Variants in SRPK2 observed in about 807,000 individuals in gnomAD.
SRPK2 encodes SFRS protein kinase 2.
In SRPK2, 21 loss-of-function variants were observed where a neutral mutation model predicts 90.8. That is an observed-to-expected ratio of 0.23 (90% confidence interval 0.16 to 0.33). SRPK2 has a LOEUF of 0.33. SRPK2 is among the 10% of genes least tolerant of loss of function. The pLI is 1.00. For synonymous variants in SRPK2, 288 were observed against 311.1 expected (o/e 0.93, Z 0.78); for missense variants, 620 against 869.0 (o/e 0.71, Z 3.60).
chr7:105,200,924 G>A (rs894149258), intron 3 of SRPK2, among the ~76,000 whole-genome samples: 1 of 152,184 alleles, frequency 6.6e-6, no homozygotes, highest in Admixed American at 6.5e-5. Context: ...TGATAAGCCC[G>A]AGGTCTGAAT....
At position 105,388,849 on chromosome 7, in the gene SRPK2, C is replaced by T. The variant is rs758026515; in HGVS notation, c.-43G>A. On this transcript the variant is annotated 5_prime_UTR_variant, in exon 1 of 16. Transcript: ENST00000393651. ...GGGGCGGGGGGCTTCGCGACGGCGA[C>T]GCGGGCGCCGAGACGAGCTGGGCTG... 2.0e-5 allele frequency: 26 copies of T among 1,313,468 alleles called. No homozygotes were observed. The African/African-American group carries it at 3.9e-4, about 20-fold the overall frequency. The allele number at this position is 1,313,468 out of a possible 1,614,324, so 81.4% of individuals were successfully genotyped here.
intron 3 of SRPK2, among the ~76,000 whole-genome samples, chr7:105,170,855 GAAAGAAAGAAAGAA>G (rs1391472473): frequency 8.2e-5 from 3 of 36,372 alleles, no homozygotes; most frequent in Admixed American, 3.8e-4. Context: ...AAGAAAGAAA[GAAAGAAAGAAAGAA>G]AGAAAGAAAG....
At chr7:105,240,844 T>G (rs976638472) in intron 2 of SRPK2, among the ~76,000 whole-genome samples, 1 of 152,220 alleles carries the variant, frequency 6.6e-6, no homozygotes, top group Non-Finnish European at 1.5e-5. Context: ...TCGTCCAGTA[T>G]GTACTGAAAT....
rs542905759 is a variant in SRPK2 at position 105,258,415 on chromosome 7, C to T, written c.72-54630G>A. On this transcript the variant is annotated intron_variant, in intron 2 of 15. Transcript: ENST00000393651. ...CTGGGTAACAAGAGCGAAACTCGGTCTCAAAAAAAAAAAAAAAAAAGAAAG... is the reference window on the plus strand; with the variant it reads ...CTGGGTAACAAGAGCGAAACTCGGTTTCAAAAAAAAAAAAAAAAAAGAAAG... Among the ~76,000 whole-genome samples the T allele has an allele frequency of 1.0e-3, 18 of 17,884 alleles. No homozygotes were observed. The Admixed American group carries it at 0.013, about 13-fold the overall frequency. The allele number at this position is 17,884 out of a possible 152,430, so 11.7% of individuals were successfully genotyped here. A position where few individuals can be genotyped will look rare whatever the true frequency, so the allele number is the denominator to read the frequency against.
intron 3 of SRPK2, among the ~76,000 whole-genome samples, chr7:105,178,503 C>G (rs761791528): frequency 6.6e-6 from 1 of 152,078 alleles, no homozygotes; most frequent in South Asian, 2.1e-4. Flanking sequence ...CCAAAAGACA[C>G]GGGAGGATTC....
chr7:105,195,034 T>C (rs1794745591), intron 3 of SRPK2, among the ~76,000 whole-genome samples: 1 of 152,212 alleles, frequency 6.6e-6, no homozygotes, highest in Admixed American at 6.5e-5. Context: ...GCTCTTTTGC[T>C]AAATATATTT....
intron 2 of SRPK2, among the ~76,000 whole-genome samples, chr7:105,326,822 C>T (rs1204063): frequency 0.017 from 2,626 of 152,090 alleles, 82 homozygotes; most frequent in African/African-American, 0.059. Context: ...AGCACTTTGG[C>T]AGGTGGAGGC....
At chr7:105,153,399 C>G (rs1436553109) in intron 7 of SRPK2, among the ~76,000 whole-genome samples, 1 of 152,160 alleles carries the variant, frequency 6.6e-6, no homozygotes, top group Admixed American at 6.5e-5. Context: ...AGCTTGCTTT[C>G]TGTACATCAA....
rs1252297626 is a variant in SRPK2, at chr7:105,388,706, G to A, written c.17-4C>T. The A allele has an allele frequency of 1.9e-6, 3 of 1,580,840 alleles. No homozygotes were observed. Among genetic ancestry groups the A allele is most frequent in the African/African-American group, 1.4e-5 (1 of 72,188 alleles). On this transcript the variant is annotated splice_polypyrimidine_tract_variant and splice_region_variant and intron_variant, in intron 1 of 15. Transcript: ENST00000393651. Reference sequence around the variant, plus strand: ...TTTCGGGCCTGAATGGCCAGCACTGGGGAAGAGAAGACACACATTAACGGT... The same window carrying A: ...TTTCGGGCCTGAATGGCCAGCACTGAGGAAGAGAAGACACACATTAACGGT...
rs541419036 is a variant in SRPK2 at position 105,259,854 on chromosome 7, T to TCCC, written c.72-56072_72-56070dup. Among the ~76,000 whole-genome samples, 641 of 152,064 alleles carry TCCC rather than the reference T, an allele frequency of 4.2e-3. 5 individuals are homozygous for TCCC. The highest frequency in any genetic ancestry group is 0.023 in the South Asian group (110 of 4,812). ...CCATATGTAGAAAGCTGAAACTGGA[T>TCCC]CCCTTCCCTACACCATATACAAAAA... is the stretch of plus-strand genomic sequence containing the variant. On this transcript the variant is annotated intron_variant, in intron 2 of 15. Coordinates refer to ENST00000393651, the MANE Select transcript of SRPK2 (RefSeq NM_182692.3).
chr7:105,287,259 T>TAAAAAAAA (rs71520909), intron 2 of SRPK2, among the ~76,000 whole-genome samples: 2 of 58,872 alleles, frequency 3.4e-5, no homozygotes, highest in African/African-American at 1.5e-4. Context: ...AGACTCCGTC[T>TAAAAAAAA]AAAAAAAAAA....
At chr7:105,342,856 T>C (rs1815990695) in intron 2 of SRPK2, among the ~76,000 whole-genome samples, 1 of 152,030 alleles carries the variant, frequency 6.6e-6, no homozygotes, top group South Asian at 2.1e-4. Context: ...AAATGGAATA[T>C]ATAAAAGTCT....
intron 2 of SRPK2, among the ~76,000 whole-genome samples, chr7:105,327,589 T>C (rs1291348958): frequency 6.6e-6 from 1 of 152,184 alleles, no homozygotes; most frequent in Admixed American, 6.6e-5. Context: ...GATGAATTAA[T>C]TGTTACACAT....
At chr7:105,377,579 TC>T (rs945531804) in intron 2 of SRPK2, among the ~76,000 whole-genome samples, 1 of 151,670 alleles carries the variant, frequency 6.6e-6, no homozygotes, top group African/African-American at 2.4e-5. Context: ...GGCACTGTAA[TC>T]CCAGCTACTC....
intron 2 of SRPK2, among the ~76,000 whole-genome samples, chr7:105,342,091 C>T (rs1052246366): frequency 6.6e-6 from 1 of 151,190 alleles, no homozygotes; most frequent in African/African-American, 2.4e-5. Flanking sequence ...CAGTGAAACC[C>T]CATCTCTACT....
At chr7:105,385,804 C>T (rs1450559446) in intron 2 of SRPK2, among the ~76,000 whole-genome samples, 2 of 152,174 alleles carry the variant, frequency 1.3e-5, no homozygotes, top group East Asian at 3.8e-4. Flanking sequence ...TCCGTAATAA[C>T]GGTGCCTACC....
chr7:105,325,313 C>T (rs950992011), intron 2 of SRPK2, among the ~76,000 whole-genome samples: 3 of 152,054 alleles, frequency 2.0e-5, no homozygotes, highest in Non-Finnish European at 4.4e-5. Context: ...CAAGGTGTCA[C>T]AAGCGATTAT....
intron 3 of SRPK2, among the ~76,000 whole-genome samples, chr7:105,184,385 T>A (rs1264524455): frequency 1.3e-5 from 2 of 152,226 alleles, no homozygotes; most frequent in Non-Finnish European, 2.9e-5. Flanking sequence ...TTACAAAATA[T>A]ATGTTGTTAT....
rs1563027492 is a variant in SRPK2 at position 105,171,015 on chromosome 7, G to GAGAGGA, written c.230-1751_230-1750insTCCTCT. On this transcript the variant is annotated intron_variant, in intron 3 of 15. Transcript: ENST00000393651. Reference sequence around the variant, plus strand: ...AGAAAGAGAAAGAAAGAAAGAAAGAGAGGAAGGAAGGAAGGAAGGAAGGAA... The same window carrying GAGAGGA: ...AGAAAGAGAAAGAAAGAAAGAAAGAGAGAGGAAGGAAGGAAGGAAGGAAGGAAGGAA... Among the ~76,000 whole-genome samples, 25 of 107,614 alleles carry GAGAGGA rather than the reference G, an allele frequency of 2.3e-4. 2 individuals carry two copies. Among genetic ancestry groups the GAGAGGA allele is most frequent in the South Asian group, 1.0e-3 (3 of 2,926 alleles). 70.6% of individuals were successfully genotyped at this position (107,614 alleles called of 152,430 possible).
Sources: allele counts gnomAD v4.1 joint callset (sites outside exome capture counted in the v4.1 genomes callset), GRCh38; gene constraint gnomAD v4.1.1; transcripts MANE v1.5; gene names NCBI Gene and HGNC (gene_info 2026-07-23, HGNC 2026-07-21).